RSPO3: variants seen among roughly 807,000 people sequenced by gnomAD.
RSPO3 encodes R-spondin 3, also known as R-spondin-3.
RSPO3 carries 17 observed loss-of-function variants against 36.5 expected under a neutral mutation model. The observed-to-expected ratio is 0.47, with a 90% CI of 0.32 to 0.70. RSPO3 has a LOEUF of 0.70. RSPO3 is among the 30% of genes least tolerant of loss of function. RSPO3 has a pLI of 0.04. For synonymous variants in RSPO3, 108 were observed against 107.0 expected (o/e 1.01, Z -0.06); for missense variants, 294 against 322.5 (o/e 0.91, Z 0.68).
chr6:127,159,226 CTAAT>C (rs762580809), intron 4 of RSPO3, among the ~76,000 whole-genome samples: 55 of 152,222 alleles, frequency 3.6e-4, no homozygotes, highest in Non-Finnish European at 7.2e-4. Flanking sequence ...GTACCTTCCT[CTAAT>C]TAACTAAAGA....
At chr6:127,170,279 A>T (rs1774909535) in intron 4 of RSPO3, among the ~76,000 whole-genome samples, 1 of 151,774 alleles carries the variant, frequency 6.6e-6, no homozygotes, top group East Asian at 1.9e-4. Flanking sequence ...CTCTGTTGAA[A>T]TTGCATGTAG....
At chr6:127,164,127 T>C (rs1045606508) in intron 4 of RSPO3, among the ~76,000 whole-genome samples, 1 of 152,090 alleles carries the variant, frequency 6.6e-6, no homozygotes, top group Non-Finnish European at 1.5e-5. Context: ...TCAGTATCCC[T>C]GCATCCAATC....
At chr6:127,178,587 C>A (rs1282399014) in intron 4 of RSPO3, among the ~76,000 whole-genome samples, 1 of 151,656 alleles carries the variant, frequency 6.6e-6, no homozygotes, top group Non-Finnish European at 1.5e-5. Context: ...TATACACACA[C>A]AAACACACAC....
chr6:127,138,622 C>T (rs1774208406), intron 1 of RSPO3, among the ~76,000 whole-genome samples: 1 of 152,098 alleles, frequency 6.6e-6, no homozygotes, highest in Admixed American at 6.5e-5. Context: ...AGGCACTTTA[C>T]ACAGCATCTC....
intron 4 of RSPO3, among the ~76,000 whole-genome samples, chr6:127,187,013 A>G (rs1048244047): frequency 4.6e-5 from 7 of 152,188 alleles, no homozygotes; most frequent in Non-Finnish European, 8.8e-5. Context: ...TTAAAGGGTA[A>G]TATGAAATAA....
chr6:127,170,918 A>C (rs1006376150), intron 4 of RSPO3, among the ~76,000 whole-genome samples: 6 of 151,810 alleles, frequency 4.0e-5, no homozygotes, highest in African/African-American at 9.7e-5. Flanking sequence ...CAGACTTTTC[A>C]AATTTTGGAA....
In RSPO3 at chr6:127,184,365, C is replaced by T. The variant is rs1651953671; in HGVS notation, c.635-11458C>T. Among the ~76,000 whole-genome samples, 3 of 151,762 alleles carry T rather than the reference C, an allele frequency of 2.0e-5. No individual in the cohort carries two copies. In the South Asian group the frequency reaches 6.2e-4, roughly 31 times the overall value. On this transcript the variant is annotated intron_variant, in intron 4 of 4. Coordinates refer to ENST00000356698, the MANE Select transcript of RSPO3 (RefSeq NM_032784.5). ...GAAACAAAATTCAATATCACCTTGACAAATTGCAAAAAGGCCTAGAAATAT... is the reference window on the plus strand; with the variant it reads ...GAAACAAAATTCAATATCACCTTGATAAATTGCAAAAAGGCCTAGAAATAT...
chr6:127,136,902 C>A (rs1323151007), intron 1 of RSPO3, among the ~76,000 whole-genome samples: 2 of 152,112 alleles, frequency 1.3e-5, no homozygotes, highest in African/African-American at 4.8e-5. Flanking sequence ...ACTGGCAGAT[C>A]TTTAACGTCC....
intron 1 of RSPO3, among the ~76,000 whole-genome samples, chr6:127,127,322 A>C (rs1346900563): frequency 1.3e-5 from 2 of 152,106 alleles, no homozygotes; most frequent in African/African-American, 4.8e-5. Flanking sequence ...CATCTCAACA[A>C]AGGCTGTCAT....
chr6:127,167,935 T>G (rs1169128054), intron 4 of RSPO3, among the ~76,000 whole-genome samples: 1 of 152,104 alleles, frequency 6.6e-6, no homozygotes, highest in Non-Finnish European at 1.5e-5. Flanking sequence ...ACAAAGGACA[T>G]GAACTCATCC....
At chr6:127,182,617 C>G (rs1775211765) in intron 4 of RSPO3, among the ~76,000 whole-genome samples, 1 of 151,968 alleles carries the variant, frequency 6.6e-6, no homozygotes, top group South Asian at 2.1e-4. Context: ...CTGAGACTTT[C>G]TCTTCCCATT....
intron 4 of RSPO3, among the ~76,000 whole-genome samples, chr6:127,155,876 GTA>G (rs35711172): frequency 2.4e-4 from 35 of 148,478 alleles, no homozygotes; most frequent in Non-Finnish European, 2.4e-4. Context: ...GTAGCTAAGT[GTA>G]TATATATATA....
At chr6:127,128,615 T>G (rs575629964) in intron 1 of RSPO3, among the ~76,000 whole-genome samples, 8 of 152,064 alleles carry the variant, frequency 5.3e-5, no homozygotes, top group African/African-American at 1.9e-4. Flanking sequence ...TGATTACAAA[T>G]GAGATAGATG....
At chr6:127,165,519 T>A (rs185814481) in intron 4 of RSPO3, among the ~76,000 whole-genome samples, 60 of 152,170 alleles carry the variant, frequency 3.9e-4, no homozygotes, top group Non-Finnish European at 4.0e-4. Context: ...TTTGTCTAGT[T>A]TGTCAAGGTC....
At chr6:127,162,749 T>A (rs999907127) in intron 4 of RSPO3, among the ~76,000 whole-genome samples, 1 of 152,202 alleles carries the variant, frequency 6.6e-6, no homozygotes, top group South Asian at 2.1e-4. Context: ...TTTGTAAGCA[T>A]ACACCTTTGT....
chr6:127,134,779 A>T lies in RSPO3; in HGVS notation c.98-13869A>T, dbSNP rs1052173372. 3.3e-5 allele frequency among the ~76,000 whole-genome samples: 5 copies of T among 152,194 alleles called. No individual in the cohort carries two copies. In the South Asian group the frequency reaches 1.0e-3, roughly 31 times the overall value. On this transcript the variant is annotated intron_variant, in intron 1 of 4. Coordinates refer to ENST00000356698, the MANE Select transcript of RSPO3 (RefSeq NM_032784.5). ...CTCATGGAACCTTCACAACAATTTC[A>T]TGAGATATTATTCCATTTTATAAAT...
At chr6:127,142,310 T>G (rs1774288857) in intron 1 of RSPO3, among the ~76,000 whole-genome samples, 2 of 152,190 alleles carry the variant, frequency 1.3e-5, no homozygotes, top group African/African-American at 4.8e-5. Context: ...CTTTAACACA[T>G]GAACAAATGA....
intron 1 of RSPO3, among the ~76,000 whole-genome samples, chr6:127,135,721 G>T (rs62438470): frequency 3.6e-3 from 551 of 152,186 alleles, no homozygotes; most frequent in Non-Finnish European, 6.5e-3. Context: ...GAGTCCAGGA[G>T]TTCAAGACCA....
chr6:127,180,594 T>A (rs905803692), intron 4 of RSPO3, among the ~76,000 whole-genome samples: 1 of 145,796 alleles, frequency 6.9e-6, no homozygotes, highest in African/African-American at 2.6e-5. Context: ...AAAGAAGGAA[T>A]GACACATTTG....
Sources: allele counts gnomAD v4.1 joint callset (sites outside exome capture counted in the v4.1 genomes callset), GRCh38; gene constraint gnomAD v4.1.1; transcripts MANE v1.5; gene names NCBI Gene and HGNC (gene_info 2026-07-23, HGNC 2026-07-21).